MAPK1IP1L: variants seen among roughly 807,000 people sequenced by gnomAD.
MAPK1IP1L encodes mitogen-activated protein kinase 1 interacting protein 1 like.
Under a neutral mutation model 18.1 loss-of-function variants are expected in MAPK1IP1L, and 10 were observed. The observed-to-expected ratio is 0.55, with a 90% CI of 0.34 to 0.94. The LOEUF (loss-of-function observed/expected upper bound fraction) is 0.94. Ranked by LOEUF, MAPK1IP1L falls within the 40% of genes least tolerant of loss-of-function variation. The pLI is 0.02. For missense variants in MAPK1IP1L, 260 were observed against 318.2 expected (o/e 0.82, Z 1.39); for synonymous variants, 115 against 117.3 (o/e 0.98, Z 0.13).
Position 55,065,592 on chromosome 14 carries a change from C to G in MAPK1IP1L, c.*965C>G, listed in dbSNP as rs565836755. The G allele has an allele frequency of 6.6e-6, 1 of 152,216 alleles. No individual in the cohort carries two copies. The highest frequency in any genetic ancestry group is 1.5e-5 in the Non-Finnish European group (1 of 68,076). 9.4% of individuals were successfully genotyped at this position (152,216 alleles called of 1,614,324 possible). On this transcript the variant is annotated 3_prime_UTR_variant, in exon 4 of 4. Transcript: ENST00000395468. ...CTTGGTTCTTTAGAAGGAGCACACA[C>G]ATCCCTTGATTCCTCCCTGATGTGG...
At chr14:55,058,645 A>G (rs574718740) in intron 1 of MAPK1IP1L, among the ~76,000 whole-genome samples, 9 of 152,194 alleles carry the variant, frequency 5.9e-5, no homozygotes, top group Non-Finnish European at 1.2e-4. Flanking sequence ...AGCCTGGCCA[A>G]CGTGGTGAAA....
chr14:55,059,476 C>T (rs2042798947), intron 1 of MAPK1IP1L, among the ~76,000 whole-genome samples: 1 of 152,070 alleles, frequency 6.6e-6, no homozygotes, highest in African/African-American at 2.4e-5. Flanking sequence ...TACAAAAAAA[C>T]TAGCTGGGCA....
At chr14:55,057,247 A>T (rs186933723) in intron 1 of MAPK1IP1L, among the ~76,000 whole-genome samples, 4 of 152,344 alleles carry the variant, frequency 2.6e-5, no homozygotes, top group Admixed American at 2.6e-4. Flanking sequence ...AGATGCATAA[A>T]TATTAGAGAA....
Position 55,069,995 on chromosome 14 carries a change from T to A in MAPK1IP1L, c.*5368T>A, listed in dbSNP as rs1246913464. 6.6e-6 allele frequency: 1 copy of A among 152,214 alleles called. No individual in the cohort carries two copies. The highest frequency in any genetic ancestry group is 1.5e-5 in the Non-Finnish European group (1 of 68,036). 9.4% of individuals were successfully genotyped at this position (152,214 alleles called of 1,614,324 possible). A position where few individuals can be genotyped will look rare whatever the true frequency, so the allele number is the denominator to read the frequency against. On this transcript the variant is annotated 3_prime_UTR_variant, in exon 4 of 4. Coordinates refer to ENST00000395468, the MANE Select transcript of MAPK1IP1L (RefSeq NM_144578.4). Reference sequence around the variant, plus strand: ...GCTGGCATTCCTTGGAACTCCCAATTTCAGTAGGGCAATGAATGAATGAAT... The same window carrying A: ...GCTGGCATTCCTTGGAACTCCCAATATCAGTAGGGCAATGAATGAATGAAT...
Position 55,066,347 on chromosome 14 carries a change from A to C in MAPK1IP1L, c.*1720A>C, listed in dbSNP as rs2042861926. On this transcript the variant is annotated 3_prime_UTR_variant, in exon 4 of 4. Coordinates refer to ENST00000395468, the MANE Select transcript of MAPK1IP1L (RefSeq NM_144578.4). ...ATAGATTCAAGCTTTTAGAAATGAG[A>C]AAGTAGAAACTAATTTGTTAAGATA... is the stretch of plus-strand genomic sequence containing the variant. The C allele has an allele frequency of 6.6e-6, 1 of 152,222 alleles. No homozygotes were observed. The highest frequency in any genetic ancestry group is 2.4e-5 in the African/African-American group (1 of 41,468). 9.4% of individuals were successfully genotyped at this position (152,222 alleles called of 1,614,324 possible).
In MAPK1IP1L at chr14:55,069,129, C is replaced by T. The variant is rs916120942; in HGVS notation, c.*4502C>T. The T allele has an allele frequency of 2.0e-5, 3 of 152,150 alleles. No homozygotes were observed. Among genetic ancestry groups the T allele is most frequent in the Non-Finnish European group, 4.4e-5 (3 of 68,034 alleles). 9.4% of individuals were successfully genotyped at this position (152,150 alleles called of 1,614,324 possible). On this transcript the variant is annotated 3_prime_UTR_variant, in exon 4 of 4. Transcript: ENST00000395468. ...TTCACTTTACCCCTGGATAAAGGCA[C>T]TTTCACTGCCTGTCACTGATCAGCA...
intron 1 of MAPK1IP1L, among the ~76,000 whole-genome samples, chr14:55,054,684 G>A (rs1051774955): frequency 2.0e-5 from 3 of 152,130 alleles, no homozygotes; most frequent in Non-Finnish European, 2.9e-5. Context: ...TCATGTCCGG[G>A]TTTCATCACT....
At chr14:55,058,709 A>G (rs923798041) in intron 1 of MAPK1IP1L, among the ~76,000 whole-genome samples, 6 of 151,914 alleles carry the variant, frequency 3.9e-5, no homozygotes, top group African/African-American at 4.8e-5. Flanking sequence ...GCGCTTGCCT[A>G]TAATCCCAGT....
chr14:55,052,966 T>G (rs1024274025), intron 1 of MAPK1IP1L, among the ~76,000 whole-genome samples: 4 of 152,214 alleles, frequency 2.6e-5, no homozygotes, highest in African/African-American at 9.6e-5. Context: ...AGACGAGAGA[T>G]AACACCCCCA....
intron 1 of MAPK1IP1L, among the ~76,000 whole-genome samples, chr14:55,054,541 A>G (rs1178395426): frequency 6.6e-6 from 1 of 152,236 alleles, no homozygotes; most frequent in African/African-American, 2.4e-5. Flanking sequence ...ACAAATATCT[A>G]ACATGTATAT....
intron 1 of MAPK1IP1L, among the ~76,000 whole-genome samples, chr14:55,052,369 C>T (rs925248406): frequency 6.6e-6 from 1 of 152,164 alleles, no homozygotes; most frequent in Non-Finnish European, 1.5e-5. Flanking sequence ...CTGGTTATGA[C>T]TTACTAGAGG....
At chr14:55,053,454 CAG>C (rs2042746284) in intron 1 of MAPK1IP1L, among the ~76,000 whole-genome samples, 2 of 152,224 alleles carry the variant, frequency 1.3e-5, no homozygotes, top group Non-Finnish European at 2.9e-5. Context: ...CTTGATTGGA[CAG>C]AGTCCCATTT....
In MAPK1IP1L at chr14:55,070,143, A is replaced by G. The variant is rs1002990435; in HGVS notation, c.*5516A>G. On this transcript the variant is annotated 3_prime_UTR_variant, in exon 4 of 4. Coordinates refer to ENST00000395468, the MANE Select transcript of MAPK1IP1L (RefSeq NM_144578.4). Reference sequence around the variant, plus strand: ...CAATATCCCATGAAAGTATTCACCTAAAGTGGAGTTATGAAATGGATGGTG... The same window carrying G: ...CAATATCCCATGAAAGTATTCACCTGAAGTGGAGTTATGAAATGGATGGTG... 1.3e-5 allele frequency: 2 copies of G among 152,218 alleles called. No homozygotes were observed. The highest frequency in any genetic ancestry group is 6.5e-5 in the Admixed American group (1 of 15,274). 9.4% of individuals were successfully genotyped at this position (152,218 alleles called of 1,614,324 possible).
chr14:55,063,361 T>TA, intron 3 of MAPK1IP1L, 36 bp downstream of exon 3: 1 of 1,503,942 alleles, frequency 6.6e-7, no homozygotes, highest in Non-Finnish European at 9.1e-7. Context: ...GTGTACTAAT[T>TA]GTACATAGCA....
intron 1 of MAPK1IP1L, among the ~76,000 whole-genome samples, chr14:55,052,964 G>A (rs1262464725): frequency 6.6e-6 from 1 of 152,196 alleles, no homozygotes; most frequent in Non-Finnish European, 1.5e-5. Context: ...TTAGACGAGA[G>A]ATAACACCCC....
Position 55,065,963 on chromosome 14 carries a change from G to A in MAPK1IP1L, c.*1336G>A, listed in dbSNP as rs1279264275. The A allele has an allele frequency of 6.7e-6, 1 of 149,584 alleles. No homozygotes were observed. Among genetic ancestry groups the A allele is most frequent in the Non-Finnish European group, 1.5e-5 (1 of 67,488 alleles). The allele number at this position is 149,584 out of a possible 1,614,324, so 9.3% of individuals were successfully genotyped here. A position where few individuals can be genotyped will look rare whatever the true frequency, so the allele number is the denominator to read the frequency against. On this transcript the variant is annotated 3_prime_UTR_variant, in exon 4 of 4. Transcript: ENST00000395468. ...TGTGACTGTGTTGCTTAAATATCAAGTATTGTTTATAACCACCAAAAAAAA... is the reference window on the plus strand; with the variant it reads ...TGTGACTGTGTTGCTTAAATATCAAATATTGTTTATAACCACCAAAAAAAA...
At chr14:55,064,466 A>G (rs2042846680) in intron 3 of MAPK1IP1L, 150 bp from the exon 4 acceptor site, 1 of 582,356 alleles carries the variant, frequency 1.7e-6, no homozygotes. Flanking sequence ...TTATCTAAAA[A>G]TATTTGTTTT....
intron 1 of MAPK1IP1L, among the ~76,000 whole-genome samples, chr14:55,057,520 A>C (rs758572589): frequency 1.3e-5 from 2 of 152,190 alleles, no homozygotes; most frequent in Non-Finnish European, 2.9e-5. Flanking sequence ...GCACTTTGGG[A>C]GGCCAAGGTG....
Position 55,064,649 on chromosome 14 carries a change from G to A in MAPK1IP1L, c.*22G>A. ...TTAAGTTAACAATGGACGAAGAGAT[G>A]ACGCTTTGCTTTTTGAAGTACATGT... On this transcript the variant is annotated 3_prime_UTR_variant, in exon 4 of 4. Coordinates refer to ENST00000395468, the MANE Select transcript of MAPK1IP1L (RefSeq NM_144578.4). 1 of 1,611,026 alleles carries A rather than the reference G, an allele frequency of 6.2e-7. No individual in the cohort carries two copies. The highest frequency in any genetic ancestry group is 8.5e-7 in the Non-Finnish European group (1 of 1,179,082).
Sources: allele counts gnomAD v4.1 joint callset (sites outside exome capture counted in the v4.1 genomes callset), GRCh38; gene constraint gnomAD v4.1.1; transcripts MANE v1.5; gene names NCBI Gene and HGNC (gene_info 2026-07-23, HGNC 2026-07-21).